ASXL2: variants seen among roughly 807,000 people sequenced by gnomAD.
The protein encoded by ASXL2 is putative Polycomb group protein ASXL2.
ASXL2 carries 23 observed loss-of-function variants against 122.0 expected under a neutral mutation model. The observed-to-expected ratio is 0.19, with a 90% CI of 0.14 to 0.27. The LOEUF (loss-of-function observed/expected upper bound fraction) is 0.27. ASXL2 is among the 10% of genes least tolerant of loss of function. ASXL2 has a pLI of 1.00. For synonymous variants in ASXL2, 650 were observed against 637.0 expected (o/e 1.02, Z -0.31); for missense variants, 1,518 against 1,713.8 (o/e 0.89, Z 2.02).
chr2:25,781,075 A>AC (rs2088628051), intron 5 of ASXL2, among the ~76,000 whole-genome samples: 1 of 151,926 alleles, frequency 6.6e-6, no homozygotes, highest in Non-Finnish European at 1.5e-5. Context: ...AAAAAAAAAA[A>AC]AGAAAAGAAA....
chr2:25,863,186 C>T (rs1022714849), intron 1 of ASXL2, among the ~76,000 whole-genome samples: 4 of 151,664 alleles, frequency 2.6e-5, no homozygotes, highest in Non-Finnish European at 5.9e-5. Context: ...AAAAATTAGC[C>T]GGGCGTGGTG....
rs1018459268 is a variant in ASXL2 at position 25,738,944 on chromosome 2, A to G, written c.*3085T>C. ...TAGGGGTTATGGAACAAGTAGGACA[A>G]ACAACTCCAGGCTATTTGGCTTTAC... On this transcript the variant is annotated 3_prime_UTR_variant, in exon 13 of 13. Coordinates refer to ENST00000435504, the MANE Select transcript of ASXL2 (RefSeq NM_018263.6). 6.6e-6 allele frequency: 1 copy of G among 152,204 alleles called. No homozygotes were observed. The highest frequency in any genetic ancestry group is 1.5e-5 in the Non-Finnish European group (1 of 68,022). 9.4% of individuals were successfully genotyped at this position (152,204 alleles called of 1,614,324 possible).
chr2:25,735,730 TAA>T lies in ASXL2; in HGVS notation c.*6297_*6298del, dbSNP rs2149132276. 6.6e-6 allele frequency: 1 copy of T among 152,310 alleles called. No individual in the cohort carries two copies. Among genetic ancestry groups the T allele is most frequent in the South Asian group, 2.1e-4 (1 of 4,824 alleles). 9.4% of individuals were successfully genotyped at this position (152,310 alleles called of 1,614,324 possible). On this transcript the variant is annotated 3_prime_UTR_variant, in exon 13 of 13. Coordinates refer to ENST00000435504, the MANE Select transcript of ASXL2 (RefSeq NM_018263.6). ...GTTGGCCTGCTTCTAATTTAGATGT[TAA>T]GAGATTTCTTGAAATTTCTATAGAC... is the stretch of plus-strand genomic sequence containing the variant.
Position 25,742,389 on chromosome 2 carries a change from C to A in ASXL2, c.3948G>T (p.Leu1316Phe). 6.4e-7 allele frequency: 1 copy of A among 1,557,892 alleles called. No homozygotes were observed. The highest frequency in any genetic ancestry group is 8.7e-7 in the Non-Finnish European group (1 of 1,151,336). ...GCCCTATCTGGGTGGGGCTTCCATA[C>A]AACTTCGGGGTTTGCAGGGGTGGAA... ...LLLPPLQTPKLYGSPTQIGPS... is the reference protein window; with the variant it reads ...LLLPPLQTPKFYGSPTQIGPS... Residue 1316 changes from leucine (L) to phenylalanine (F), a missense_variant, in exon 13 of 13, where the codon TTG becomes TTT. Physicochemically the swap from Leu to Phe is conservative, Grantham distance 22 (BLOSUM62 0). Coordinates refer to ENST00000435504, the MANE Select transcript of ASXL2 (RefSeq NM_018263.6).
At chr2:25,861,951 T>C (rs1161367664) in intron 1 of ASXL2, among the ~76,000 whole-genome samples, 1 of 152,202 alleles carries the variant, frequency 6.6e-6, no homozygotes, top group Non-Finnish European at 1.5e-5. Context: ...GAAGATCAGA[T>C]TCCAAAGTAC....
chr2:25,739,016 A>C lies in ASXL2; in HGVS notation c.*3013T>G, dbSNP rs2087782848. 1 of 152,224 alleles carries C rather than the reference A, an allele frequency of 6.6e-6. No individual in the cohort carries two copies. Among genetic ancestry groups the C allele is most frequent in the African/African-American group, 2.4e-5 (1 of 41,448 alleles). The allele number at this position is 152,224 out of a possible 1,614,324, so 9.4% of individuals were successfully genotyped here. A position where few individuals can be genotyped will look rare whatever the true frequency, so the allele number is the denominator to read the frequency against. On this transcript the variant is annotated 3_prime_UTR_variant, in exon 13 of 13. Coordinates refer to ENST00000435504, the MANE Select transcript of ASXL2 (RefSeq NM_018263.6). ...AATTCTAATTCTCCAAAATTATTTA[A>C]GATTCAGGGAGACTTATTTACTAGA...
chr2:25,849,622 A>G (rs971889333), intron 1 of ASXL2, among the ~76,000 whole-genome samples: 1 of 151,958 alleles, frequency 6.6e-6, no homozygotes, highest in African/African-American at 2.4e-5. Context: ...CTATAGGCAT[A>G]TGCCACCACA....
At chr2:25,865,354 C>A (rs1189701305) in intron 1 of ASXL2, among the ~76,000 whole-genome samples, 1 of 151,880 alleles carries the variant, frequency 6.6e-6, no homozygotes, top group South Asian at 2.1e-4. Context: ...ATTGCTTGAA[C>A]CCAGGAGGCA....
intron 3 of ASXL2, among the ~76,000 whole-genome samples, chr2:25,810,983 T>C (rs2089160380): frequency 6.6e-6 from 1 of 151,266 alleles, no homozygotes; most frequent in African/African-American, 2.4e-5. Context: ...TCCAAGCACT[T>C]TGGGAGGCTG....
intron 9 of ASXL2, among the ~76,000 whole-genome samples, chr2:25,758,839 T>A (rs913045694): frequency 6.6e-6 from 1 of 152,180 alleles, no homozygotes; most frequent in Non-Finnish European, 1.5e-5. Context: ...TTTCCAGATC[T>A]ATTTATTTAT....
intron 1 of ASXL2, among the ~76,000 whole-genome samples, chr2:25,867,289 T>C (rs1035085022): frequency 1.3e-5 from 2 of 152,098 alleles, no homozygotes; most frequent in Admixed American, 6.6e-5. Flanking sequence ...ACCTCTTTTA[T>C]GTGTGGAAAC....
At chr2:25,868,540 C>A (rs886707361) in intron 1 of ASXL2, among the ~76,000 whole-genome samples, 1 of 152,200 alleles carries the variant, frequency 6.6e-6, no homozygotes, top group African/African-American at 2.4e-5. Flanking sequence ...TTAGTTCTGT[C>A]AAGCAAGGTC....
intron 3 of ASXL2, among the ~76,000 whole-genome samples, chr2:25,808,624 G>A (rs532731301): frequency 3.3e-5 from 5 of 152,262 alleles, no homozygotes; most frequent in African/African-American, 9.6e-5. Flanking sequence ...TAGCCACTGC[G>A]CCTGGCCAAA....
chr2:25,779,636 C>T (rs2088601845), intron 5 of ASXL2, among the ~76,000 whole-genome samples: 1 of 152,130 alleles, frequency 6.6e-6, no homozygotes, highest in South Asian at 2.1e-4. Flanking sequence ...AATAACTTGT[C>T]TACGTCATTA....
rs998710512 is a variant in ASXL2 at position 25,878,430 on chromosome 2, C to T, written c.-208G>A. 9 of 597,126 alleles carry T rather than the reference C, an allele frequency of 1.5e-5. No homozygotes were observed. The highest frequency in any genetic ancestry group is 3.7e-5 in the African/African-American group (2 of 53,512). 37.0% of individuals were successfully genotyped at this position (597,126 alleles called of 1,614,324 possible). On this transcript the variant is annotated 5_prime_UTR_variant, in exon 1 of 13. The change creates a new upstream start codon in the 5' untranslated region. Transcript: ENST00000435504. ...GCCGGTCCTCTTGCTGCCGTTGCCACTGCTACCGCCGCTGCCATATTGGGT... is the reference window on the plus strand; with the variant it reads ...GCCGGTCCTCTTGCTGCCGTTGCCATTGCTACCGCCGCTGCCATATTGGGT...
chr2:25,831,628 T>A (rs1260099000), intron 3 of ASXL2, among the ~76,000 whole-genome samples: 1 of 152,082 alleles, frequency 6.6e-6, no homozygotes, highest in African/African-American at 2.4e-5. Flanking sequence ...CACTCCAGCC[T>A]GGGCAACAAA....
At chr2:25,844,587 C>A (rs532850866) in intron 2 of ASXL2, among the ~76,000 whole-genome samples, 34 of 148,972 alleles carry the variant, frequency 2.3e-4, no homozygotes, top group African/African-American at 7.9e-4. Context: ...AAAAAAAAAA[C>A]AAACAAAAAA....
intron 5 of ASXL2, among the ~76,000 whole-genome samples, chr2:25,775,534 CGTT>C (rs1176602405): frequency 6.6e-6 from 1 of 152,136 alleles, no homozygotes; most frequent in Non-Finnish European, 1.5e-5. Flanking sequence ...GCTTCCCCCA[CGTT>C]GTTCTCGTGA....
chr2:25,860,429 G>A (rs773938803), intron 1 of ASXL2, among the ~76,000 whole-genome samples: 2 of 151,752 alleles, frequency 1.3e-5, no homozygotes, highest in Admixed American at 6.6e-5. Flanking sequence ...TAGAAAAAGA[G>A]ATCTGGCTGG....
Sources: allele counts gnomAD v4.1 joint callset (sites outside exome capture counted in the v4.1 genomes callset), GRCh38; gene constraint gnomAD v4.1.1; transcripts MANE v1.5; gene names NCBI Gene and HGNC (gene_info 2026-07-23, HGNC 2026-07-21).